ANKS3: variants seen among roughly 807,000 people sequenced by gnomAD.
The protein encoded by ANKS3 is ankyrin repeat and SAM domain-containing protein 3.
In ANKS3, 62 loss-of-function variants were observed where a neutral mutation model predicts 80.7. The observed-to-expected ratio is 0.77, with a 90% CI of 0.63 to 0.95. ANKS3 has a LOEUF of 0.95. Ranked by LOEUF, ANKS3 falls within the 40% of genes least tolerant of loss-of-function variation. The pLI, the probability that ANKS3 is intolerant of heterozygous loss-of-function variation, is 0.00. For missense variants in ANKS3, 1,150 were observed against 883.6 expected (o/e 1.30, Z -3.82); for synonymous variants, 489 against 355.3 (o/e 1.38, Z -4.23).
intron 6 of ANKS3, among the ~76,000 whole-genome samples, chr16:4,716,942 A>G (rs952261037): frequency 6.6e-6 from 1 of 151,608 alleles, no homozygotes; most frequent in Non-Finnish European, 1.5e-5. Flanking sequence ...TAATAACAAT[A>G]ATTTATAAGC....
chr16:4,716,890 C>T (rs892045524), intron 6 of ANKS3, among the ~76,000 whole-genome samples: 8 of 149,890 alleles, frequency 5.3e-5, no homozygotes, highest in Non-Finnish European at 7.4e-5. Context: ...ACTACAGCCT[C>T]GACGACAGAC....
At chr16:4,731,886 C>T (rs1249160853) in intron 1 of ANKS3, among the ~76,000 whole-genome samples, 2 of 152,076 alleles carry the variant, frequency 1.3e-5, no homozygotes, top group African/African-American at 4.8e-5. Context: ...CATCAGCTTC[C>T]TAGTAGAATC....
At chr16:4,719,348 T>C (rs1481683436) in intron 6 of ANKS3, among the ~76,000 whole-genome samples, 2 of 152,072 alleles carry the variant, frequency 1.3e-5, no homozygotes, top group African/African-American at 2.4e-5. Context: ...GAAACAAACA[T>C]ACAATCAAAA....
Position 4,697,002 on chromosome 16 carries a change from C to G in ANKS3, c.*11+15G>C. 9 of 1,610,950 alleles carry G rather than the reference C, an allele frequency of 5.6e-6. No individual in the cohort carries two copies. The highest frequency in any genetic ancestry group is 7.6e-6 in the Non-Finnish European group (9 of 1,178,860). Reference sequence around the variant, plus strand: ...CTGCTCCCACCACGCGGGATCCAGGCTGGCAGACACTCACCGGCCCGCAGG... The same window carrying G: ...CTGCTCCCACCACGCGGGATCCAGGGTGGCAGACACTCACCGGCCCGCAGG... On this transcript the variant is annotated intron_variant, in intron 17 of 17. Transcript: ENST00000304283.
At position 4,698,588 on chromosome 16, in the gene ANKS3, C is replaced by T. The variant is rs767186678; in HGVS notation, c.1563G>A (p.Glu521=). The part of the protein sequence containing the change: ...LAIQLHKRCE[E]VEATRGQVCQ... Reference sequence around the variant, plus strand: ...ACACCTGGCCCCGCGTGGCCTCTACCTCCTCGCAGCGCTGCAGGGGGGTGG... The same window carrying T: ...ACACCTGGCCCCGCGTGGCCTCTACTTCCTCGCAGCGCTGCAGGGGGGTGG... The change falls in exon 14 of 18, where the codon GAG becomes GAA. Residue 521 remains glutamate (E), a synonymous_variant. Transcript: ENST00000304283. The T allele has an allele frequency of 4.5e-5, 70 of 1,565,398 alleles. No individual in the cohort carries two copies. The highest frequency in any genetic ancestry group is 5.8e-5 in the Non-Finnish European group (68 of 1,163,284).
chr16:4,709,614 T>C (rs73504467), intron 7 of ANKS3, among the ~76,000 whole-genome samples: 3,797 of 152,286 alleles, frequency 0.025, 155 homozygotes, highest in African/African-American at 0.087. Context: ...ATATACACAA[T>C]TGAATATTAT....
At position 4,733,987 on chromosome 16, in the gene ANKS3, AC is replaced by A. The variant is rs1165691634; in HGVS notation, c.-121del. The A allele has an allele frequency of 5.3e-5, 52 of 985,366 alleles. No individual in the cohort carries two copies. Among genetic ancestry groups the A allele is most frequent in the Non-Finnish European group, 6.0e-5 (50 of 829,976 alleles). 61.0% of individuals were successfully genotyped at this position (985,366 alleles called of 1,614,324 possible). ...CCGGCCACATCCCCACAGGAACGCT[AC>A]GGCGCACAGGGCATTACTGTGCCCC... On this transcript the variant is annotated 5_prime_UTR_variant, in exon 1 of 18. An upstream open reading frame in the 5' UTR gains an earlier in-frame stop. Transcript: ENST00000304283.
intron 6 of ANKS3, among the ~76,000 whole-genome samples, chr16:4,721,514 G>A (rs951650462): frequency 6.6e-6 from 1 of 151,322 alleles, no homozygotes; most frequent in Non-Finnish European, 1.5e-5. Flanking sequence ...GGGAGGCTGA[G>A]GCAGGAGGAT....
intron 1 of ANKS3, among the ~76,000 whole-genome samples, chr16:4,731,940 A>G (rs867660044): frequency 2.8e-4 from 42 of 152,226 alleles, no homozygotes; most frequent in Admixed American, 2.6e-4. Flanking sequence ...GAAAGGGAGC[A>G]AAGGCGAAAA....
chr16:4,723,896 A>C (rs902671972), intron 6 of ANKS3, among the ~76,000 whole-genome samples: 1 of 151,958 alleles, frequency 6.6e-6, no homozygotes, highest in Non-Finnish European at 1.5e-5. Context: ...CTACCAAAAA[A>C]AAAAAATTAA....
At chr16:4,714,289 C>T in intron 6 of ANKS3, 103 bp from the exon 7 acceptor site, 1 of 1,487,660 alleles carries the variant, frequency 6.7e-7, no homozygotes, top group Non-Finnish European at 9.1e-7. Context: ...TGGTTTCTGA[C>T]TGCCTCCCTG....
intron 17 of ANKS3, 38 bp downstream of exon 17, chr16:4,696,979 G>C (rs374269814): frequency 6.3e-7 from 1 of 1,598,914 alleles, no homozygotes; most frequent in Non-Finnish European, 8.5e-7. Flanking sequence ...AGGCCCTGCT[G>C]CTCCCACCAC....
intron 14 of ANKS3, 151 bp downstream of exon 14, chr16:4,698,276 A>C: frequency 1.6e-6 from 2 of 1,227,638 alleles, no homozygotes; most frequent in East Asian, 2.6e-5. Context: ...GCCTGCAGGA[A>C]GGAAGGGCCT....
chr16:4,726,214 G>C (rs1016764836), intron 5 of ANKS3, among the ~76,000 whole-genome samples: 13 of 152,150 alleles, frequency 8.5e-5, no homozygotes, highest in African/African-American at 3.1e-4. Flanking sequence ...CTGACCTCGT[G>C]ATCTGCCTAC....
At chr16:4,700,667 C>G (rs757024365) in intron 11 of ANKS3, 7 of 481,292 alleles carry the variant, frequency 1.5e-5, no homozygotes, top group Non-Finnish European at 2.7e-5. Flanking sequence ...TCTTGTCAGA[C>G]TCCTGCAGGC....
intron 1 of ANKS3, among the ~76,000 whole-genome samples, chr16:4,733,435 G>GT (rs1237085533): frequency 6.6e-6 from 1 of 151,832 alleles, no homozygotes; most frequent in African/African-American, 2.4e-5. Flanking sequence ...GAGATTACAG[G>GT]TATGAGCCAC....
chr16:4,701,244 C>CACCACACA (rs1567313213), intron 10 of ANKS3, 110 bp from the exon 11 acceptor site: 2 of 1,523,770 alleles, frequency 1.3e-6, no homozygotes, highest in Admixed American at 3.6e-5. Flanking sequence ...ACCCCCCACC[C>CACCACACA]GCCACACAGG....
chr16:4,712,802 A>G (rs1366298869), intron 7 of ANKS3, among the ~76,000 whole-genome samples: 1 of 152,210 alleles, frequency 6.6e-6, no homozygotes, highest in Admixed American at 6.5e-5. Flanking sequence ...GGTGTTAGCA[A>G]CTAAACAAAA....
At chr16:4,700,154 A>C (rs2079820103) in intron 11 of ANKS3, 3 of 152,808 alleles carry the variant, frequency 2.0e-5, no homozygotes, top group African/African-American at 7.2e-5. Context: ...GTGGTGGCTC[A>C]CGCCTGTAAT....
Sources: gnomAD v4.1 joint callset for allele counts (sites outside exome capture counted in the v4.1 genomes callset) on GRCh38, gnomAD v4.1.1 for gene constraint, MANE v1.5 for transcripts, NCBI Gene and HGNC (gene_info 2026-07-23, HGNC 2026-07-21) for gene names.